Variants in EDEM1 observed in about 807,000 individuals in gnomAD.
EDEM1 encodes ER degradation enhancing alpha-mannosidase like protein 1.
A neutral mutation model predicts 74.4 loss-of-function variants in EDEM1; 67 were observed. That is an observed-to-expected ratio of 0.90 (90% CI 0.74 to 1.10). The LOEUF (loss-of-function observed/expected upper bound fraction) is 1.10. Ranked by LOEUF, EDEM1 falls within the 50% of genes least tolerant of loss-of-function variation. The pLI is 0.00. For synonymous variants in EDEM1, 382 were observed against 335.9 expected (o/e 1.14, Z -1.50); for missense variants, 926 against 851.6 (o/e 1.09, Z -1.09).
chr3:5,202,321 T>C (rs1310899818), intron 4 of EDEM1, among the ~76,000 whole-genome samples: 2 of 152,216 alleles, frequency 1.3e-5, no homozygotes, highest in Non-Finnish European at 2.9e-5. Context: ...GCTCAGTGAG[T>C]GTTCTTTTCA....
At chr3:5,198,825 G>A (rs2055002122) in intron 2 of EDEM1, among the ~76,000 whole-genome samples, 1 of 151,986 alleles carries the variant, frequency 6.6e-6, no homozygotes, top group African/African-American at 2.4e-5. Context: ...TCCTTATGAT[G>A]TCATTATAGT....
At chr3:5,207,061 C>G (rs1164846671) in intron 6 of EDEM1, 92 bp from the exon 7 acceptor site, 18 of 1,530,108 alleles carry the variant, frequency 1.2e-5, no homozygotes, top group Non-Finnish European at 1.6e-5. Flanking sequence ...ATGTTAATTC[C>G]GTTTAAATGA....
At chr3:5,214,151 T>C (rs143074116) in intron 11 of EDEM1, among the ~76,000 whole-genome samples, 1 of 152,172 alleles carries the variant, frequency 6.6e-6, no homozygotes, top group African/African-American at 2.4e-5. Context: ...GCAGGAAAAA[T>C]TTGGAAATGG....
At position 5,203,147 on chromosome 3, in the gene EDEM1, T is replaced by G; in HGVS notation, c.1040T>G (p.Leu347Arg). 1 of 1,571,038 alleles carries G rather than the reference T, an allele frequency of 6.4e-7. No homozygotes were observed. The highest frequency in any genetic ancestry group is 8.6e-7 in the Non-Finnish European group (1 of 1,160,560). ...CTCCGGAGCAATGATACAGGATTACTAGGTGTGGCACCTTTCCTCGCCATT... is the reference window on the plus strand; with the variant it reads ...CTCCGGAGCAATGATACAGGATTACGAGGTGTGGCACCTTTCCTCGCCATT... ...WNLRSNDTGL[L>R]GNVVNIQTGH... Residue 347 changes from leucine to arginine, a missense_variant and splice_region_variant, in exon 5 of 12, where the codon CTA (leucine) becomes CGA (arginine). Transcript: ENST00000256497.
At chr3:5,204,355 AATT>A (rs903094888) in intron 5 of EDEM1, among the ~76,000 whole-genome samples, 2 of 151,902 alleles carry the variant, frequency 1.3e-5, no homozygotes, top group African/African-American at 4.8e-5. Context: ...TATTAAAAAA[AATT>A]ATCTTTTCCC....
At chr3:5,188,674 A>G (rs2054860680) in intron 1 of EDEM1, among the ~76,000 whole-genome samples, 1 of 152,204 alleles carries the variant, frequency 6.6e-6, no homozygotes, top group South Asian at 2.1e-4. Flanking sequence ...CCTCCGGATG[A>G]GCATAAACTC....
chr3:5,189,385 A>G (rs2054872320), intron 1 of EDEM1: 1 of 152,208 alleles, frequency 6.6e-6, no homozygotes, highest in Non-Finnish European at 1.5e-5. Flanking sequence ...TTATTTACAC[A>G]TTTATGTTTT....
At chr3:5,209,105 G>T (rs1231297777) in intron 8 of EDEM1, among the ~76,000 whole-genome samples, 2 of 152,264 alleles carry the variant, frequency 1.3e-5, no homozygotes, top group East Asian at 3.9e-4. Context: ...TGGTAGTGGA[G>T]CTAACACTAA....
At chr3:5,196,935 C>CT (rs547304238) in intron 2 of EDEM1, among the ~76,000 whole-genome samples, 3,973 of 138,386 alleles carry the variant, frequency 0.029, 87 homozygotes, top group African/African-American at 0.06. Flanking sequence ...CTTTTCTTTT[C>CT]TTTTTTTTTT....
chr3:5,190,846 C>T (rs1469494438), intron 1 of EDEM1, among the ~76,000 whole-genome samples: 2 of 151,980 alleles, frequency 1.3e-5, no homozygotes, highest in Non-Finnish European at 2.9e-5. Flanking sequence ...CCTTTAACTC[C>T]TCTCAGGCTT....
intron 3 of EDEM1, among the ~76,000 whole-genome samples, chr3:5,199,986 A>T (rs916789573): frequency 1.4e-5 from 2 of 141,018 alleles, no homozygotes; most frequent in Non-Finnish European, 3.0e-5. Flanking sequence ...CCTAGGCTGG[A>T]GGGCAGTGGT....
chr3:5,203,261 A>C (rs1293317421), intron 5 of EDEM1, 112 bp downstream of exon 5: 5 of 1,125,254 alleles, frequency 4.4e-6, no homozygotes, highest in Non-Finnish European at 6.1e-6. Flanking sequence ...ACAACTCAGC[A>C]AGAATTGTGT....
chr3:5,203,144 T>C lies in EDEM1; in HGVS notation c.1037T>C (p.Leu346Ser). 1 of 1,572,918 alleles carries C rather than the reference T, an allele frequency of 6.4e-7. No homozygotes were observed. Among genetic ancestry groups the C allele is most frequent in the South Asian group, 1.2e-5 (1 of 84,144 alleles). Residue 346 changes from leucine to serine, a missense_variant, in exon 5 of 12, where the codon TTA becomes TCA. By Grantham distance (145) the Leu-to-Ser change is moderately radical (BLOSUM62 -2). Transcript: ENST00000256497. Reference protein sequence around the residue: ...LWNLRSNDTGLLGNVVNIQTG... With the variant: ...LWNLRSNDTGSLGNVVNIQTG... The stretch of plus-strand genomic sequence containing the variant: ...AACCTCCGGAGCAATGATACAGGAT[T>C]ACTAGGTGTGGCACCTTTCCTCGCC...
At chr3:5,210,991 T>C in intron 9 of EDEM1, 129 bp from the exon 10 acceptor site, 1 of 841,964 alleles carries the variant, frequency 1.2e-6, no homozygotes, top group Admixed American at 2.6e-5. Context: ...AGCCCCTCAA[T>C]GTAAACATAG....
chr3:5,207,078 C>G, intron 6 of EDEM1, 75 bp from the exon 7 acceptor site: 1 of 1,567,200 alleles, frequency 6.4e-7, no homozygotes, highest in Non-Finnish European at 8.6e-7. Context: ...ATGAAACTAC[C>G]AGCAGCTGCT....
intron 1 of EDEM1, among the ~76,000 whole-genome samples, chr3:5,192,735 G>C (rs2054915890): frequency 6.6e-6 from 1 of 152,064 alleles, no homozygotes; most frequent in Non-Finnish European, 1.5e-5. Flanking sequence ...GAGTTTTATG[G>C]TGTTTTTTTT....
In EDEM1 at chr3:5,215,863, T is replaced by C; in HGVS notation, c.1919T>C (p.Leu640Pro). ...GTACCTGATGAGAGGAGGTACTCCC[T>C]GCCCTTAAAGAGCATCTACATGCGA... ...NRVPDERRYS[L>P]PLKSIYMRQI... is the part of the protein sequence containing the mutation. Residue 640 changes from leucine to proline, a missense_variant, in exon 12 of 12, where the codon CTG becomes CCG. By Grantham distance (98) the Leu-to-Pro change is moderately conservative. Coordinates refer to ENST00000256497, the MANE Select transcript of EDEM1 (RefSeq NM_014674.3). The C allele has an allele frequency of 6.2e-7, 1 of 1,613,250 alleles. No individual in the cohort carries two copies.
At chr3:5,188,889 ATAGT>A (rs1241377711) in intron 1 of EDEM1, among the ~76,000 whole-genome samples, 3 of 152,114 alleles carry the variant, frequency 2.0e-5, no homozygotes, top group African/African-American at 7.2e-5. Context: ...TAGGCTGAGG[ATAGT>A]TAGGTGGTGG....
chr3:5,194,185 T>G (rs2054935218), intron 1 of EDEM1, among the ~76,000 whole-genome samples: 1 of 152,244 alleles, frequency 6.6e-6, no homozygotes, highest in Non-Finnish European at 1.5e-5. Context: ...AGACTGCAGA[T>G]ATCAATGCAT....
Sources: allele counts gnomAD v4.1 joint callset (sites outside exome capture counted in the v4.1 genomes callset), GRCh38; gene constraint gnomAD v4.1.1; transcripts MANE v1.5; gene names NCBI Gene and HGNC (gene_info 2026-07-23, HGNC 2026-07-21).